CDC42EP5: variants seen among roughly 807,000 people sequenced by gnomAD.
CDC42EP5 encodes the protein CDC42 effector protein 5.
For missense variants in CDC42EP5, 269 were observed against 238.0 expected (o/e 1.13, Z -0.86); for synonymous variants, 118 against 123.3 (o/e 0.96, Z 0.28).
intron 1 of CDC42EP5, among the ~76,000 whole-genome samples, chr19:54,472,684 G>A (rs1439776258): frequency 2.8e-5 from 1 of 35,836 alleles, no homozygotes; most frequent in Non-Finnish European, 5.1e-5. Flanking sequence ...TCAGACCCAG[G>A]AGTCCAGGCC....
At chr19:54,468,246 C>T (rs1374231826) in intron 2 of CDC42EP5, among the ~76,000 whole-genome samples, 4 of 151,906 alleles carry the variant, frequency 2.6e-5, no homozygotes, top group African/African-American at 7.3e-5. Context: ...TTGTTTTCAC[C>T]GTAACAGGCA....
At chr19:54,471,944 GA>G (rs1170520090) in intron 1 of CDC42EP5, among the ~76,000 whole-genome samples, 1 of 22,712 alleles carries the variant, frequency 4.4e-5, no homozygotes, top group African/African-American at 1.9e-4. Flanking sequence ...CAGGAGTCCA[GA>G]CCCCAGCCCC....
rs1058669 is a variant in CDC42EP5 at position 54,465,104 on chromosome 19, G to A, written c.444C>T (p.Leu148=). The part of the protein sequence containing the change: ...ADLELNDVIG[L] ...AGGGCGCGGGGAATGAGGGAACCTA[G>A]AGGCCGATGACGTCGTTCAGCTCGA... The change falls in exon 3 of 3, where the codon CTC becomes CTT. Residue 148 remains leucine, a synonymous_variant. Transcript: ENST00000301200. The A allele has an allele frequency of 5.1e-6, 7 of 1,366,966 alleles. No individual in the cohort carries two copies. Among genetic ancestry groups the A allele is most frequent in the Non-Finnish European group, 6.6e-6 (7 of 1,062,060 alleles). The allele number at this position is 1,366,966 out of a possible 1,614,324, so 84.7% of individuals were successfully genotyped here.
chr19:54,468,920 C>CTTCTTTCTTTCTTTCTTTCT (rs144128477), intron 2 of CDC42EP5, among the ~76,000 whole-genome samples: 65 of 123,912 alleles, frequency 5.2e-4, no homozygotes, highest in East Asian at 1.5e-3. Flanking sequence ...TCCTTCCTTC[C>CTTCTTTCTTTCTTTCTTTCT]TTCTTTCTTT....
intron 1 of CDC42EP5, 120 bp downstream of exon 1, chr19:54,472,944 A>G (rs1442419113): frequency 1.5e-5 from 1 of 67,204 alleles, no homozygotes; most frequent in Non-Finnish European, 2.7e-5. Context: ...CAGACTCATG[A>G]GTCCAGACCC....
At chr19:54,470,065 G>A (rs948801980) in intron 2 of CDC42EP5, among the ~76,000 whole-genome samples, 2 of 152,142 alleles carry the variant, frequency 1.3e-5, no homozygotes, top group African/African-American at 2.4e-5. Flanking sequence ...TCAAAAAACA[G>A]GGGTTGGAAC....
At chr19:54,469,044 G>A (rs1373268476) in intron 2 of CDC42EP5, among the ~76,000 whole-genome samples, 1 of 150,960 alleles carries the variant, frequency 6.6e-6, no homozygotes, top group Non-Finnish European at 1.5e-5. Context: ...ACCCAGGCAA[G>A]AGTGCAATGG....
rs748028898 is a variant in CDC42EP5 at position 54,465,084 on chromosome 19, G to T, written c.*17C>A. 5.3e-6 allele frequency: 7 copies of T among 1,314,650 alleles called. No individual in the cohort carries two copies. Among genetic ancestry groups the T allele is most frequent in the Non-Finnish European group, 5.8e-6 (6 of 1,030,778 alleles). 81.4% of individuals were successfully genotyped at this position (1,314,650 alleles called of 1,614,324 possible). On this transcript the variant is annotated 3_prime_UTR_variant, in exon 3 of 3. Coordinates refer to ENST00000301200, the MANE Select transcript of CDC42EP5 (RefSeq NM_145057.4). ...AAGTGGGGTGCCGGGCGGGAAGGGC[G>T]CGGGGAATGAGGGAACCTAGAGGCC...
chr19:54,471,862 G>C (rs1471741215), intron 1 of CDC42EP5, among the ~76,000 whole-genome samples, 177 bp from the exon 2 acceptor site: 3 of 147,174 alleles, frequency 2.0e-5, no homozygotes, highest in African/African-American at 7.9e-5. Context: ...TCAGACCCAG[G>C]GGTCAAGACC....
In CDC42EP5 at chr19:54,465,465, C is replaced by T. The variant is rs1437473604; in HGVS notation, c.83G>A (p.Gly28Asp). 1.9e-5 allele frequency: 29 copies of T among 1,519,298 alleles called. 1 individual carries two copies. The highest frequency in any genetic ancestry group is 2.4e-5 in the Non-Finnish European group (28 of 1,145,596). 94.1% of individuals were successfully genotyped at this position (1,519,298 alleles called of 1,614,324 possible). The change falls in exon 3 of 3, where the codon GGC becomes GAC. Residue 28 changes from glycine to aspartate, a missense_variant. Coordinates refer to ENST00000301200, the MANE Select transcript of CDC42EP5 (RefSeq NM_145057.4). ...RGALSISAPL[G>D]DFRHTLHVGR... The stretch of plus-strand genomic sequence containing the variant: ...CACGTGCAGCGTGTGCCGGAAGTCG[C>T]CGAGCGGCGCGGAGATGGACAGGGC...
intron 1 of CDC42EP5, 136 bp from the exon 2 acceptor site, chr19:54,471,821 C>T: frequency 5.8e-6 from 1 of 173,298 alleles, no homozygotes; most frequent in Non-Finnish European, 1.2e-5. Context: ...ACCCCAGACC[C>T]GAAAGTCAGG....
At position 54,465,354 on chromosome 19, in the gene CDC42EP5, G is replaced by T; in HGVS notation, c.194C>A (p.Ala65Glu). Reference sequence around the variant, plus strand: ...CGGCGGCGGGGAGCGCGGGGCCCCCGCGGGGGGCGCCCGGGGCTCGGGGGG... The same window carrying T: ...CGGCGGCGGGGAGCGCGGGGCCCCCTCGGGGGGCGCCCGGGGCTCGGGGGG... ...GPPPEPRAPPAGAPRSPPPPA... is the reference protein window; with the variant it reads ...GPPPEPRAPPEGAPRSPPPPA... Residue 65 changes from alanine (A) to glutamate (E), a missense_variant, in exon 3 of 3, where the codon GCG becomes GAG. Coordinates refer to ENST00000301200, the MANE Select transcript of CDC42EP5 (RefSeq NM_145057.4). 1 of 1,156,490 alleles carries T rather than the reference G, an allele frequency of 8.6e-7. No individual in the cohort carries two copies. The highest frequency in any genetic ancestry group is 1.1e-6 in the Non-Finnish European group (1 of 939,468). 71.6% of individuals were successfully genotyped at this position (1,156,490 alleles called of 1,614,324 possible). A position where few individuals can be genotyped will look rare whatever the true frequency, so the allele number is the denominator to read the frequency against.
intron 2 of CDC42EP5, among the ~76,000 whole-genome samples, chr19:54,467,571 T>C (rs972207238): frequency 2.7e-5 from 4 of 150,242 alleles, no homozygotes. Flanking sequence ...CCAAATTCTT[T>C]TTTTTTTTTT....
intron 2 of CDC42EP5, among the ~76,000 whole-genome samples, chr19:54,468,014 ATTACT>A (rs1401083386): frequency 1.3e-5 from 2 of 152,234 alleles, no homozygotes; most frequent in Non-Finnish European, 2.9e-5. Flanking sequence ...ACTGCAATAA[ATTACT>A]TTATTTCCCT....
chr19:54,468,506 T>C, intron 2 of CDC42EP5, among the ~76,000 whole-genome samples: 1 of 152,048 alleles, frequency 6.6e-6, no homozygotes, highest in East Asian at 1.9e-4. Context: ...CAATCTCCAC[T>C]CTCTCCTTCC....
At chr19:54,468,440 A>G (rs2084784789) in intron 2 of CDC42EP5, among the ~76,000 whole-genome samples, 1 of 152,056 alleles carries the variant, frequency 6.6e-6, no homozygotes, top group Non-Finnish European at 1.5e-5. Flanking sequence ...GCATTTATCA[A>G]ATTTCTCTGA....
chr19:54,465,614 G>A, intron 2 of CDC42EP5, 67 bp from the exon 3 acceptor site: 2 of 1,348,346 alleles, frequency 1.5e-6, no homozygotes, highest in Non-Finnish European at 1.9e-6. Flanking sequence ...ACTGCTCAAA[G>A]GACGATGGGG....
chr19:54,468,515 C>G (rs2084785238), intron 2 of CDC42EP5, among the ~76,000 whole-genome samples: 1 of 152,104 alleles, frequency 6.6e-6, no homozygotes, highest in African/African-American at 2.4e-5. Context: ...CTCTCTCCTT[C>G]CCCATAATGG....
At position 54,465,561 on chromosome 19, in the gene CDC42EP5, G is replaced by C; in HGVS notation, c.1-14C>G. 2 of 1,497,418 alleles carry C rather than the reference G, an allele frequency of 1.3e-6. No individual in the cohort carries two copies. Among genetic ancestry groups the C allele is most frequent in the South Asian group, 1.3e-5 (1 of 79,418 alleles). The allele number at this position is 1,497,418 out of a possible 1,614,324, so 92.8% of individuals were successfully genotyped here. ...CAGCACGGGCATCTGCGAGGGGCAC[G>C]GGAGGGTCAGCGCGGCCCCAGCCCG... On this transcript the variant is annotated splice_polypyrimidine_tract_variant and intron_variant, in intron 2 of 2. Transcript: ENST00000301200.
Sources: allele counts gnomAD v4.1 joint callset (sites outside exome capture counted in the v4.1 genomes callset), GRCh38; gene constraint gnomAD v4.1.1; transcripts MANE v1.5; gene names NCBI Gene and HGNC (gene_info 2026-07-23, HGNC 2026-07-21).